Variants in NUAK2 observed in about 807,000 individuals in gnomAD.
NUAK2 encodes NUAK family SNF1-like kinase 2.
A neutral mutation model predicts 29.8 loss-of-function variants in NUAK2; 20 were observed. The observed-to-expected ratio is 0.67, with a 90% CI of 0.47 to 0.98. The LOEUF (loss-of-function observed/expected upper bound fraction) is 0.98, where lower values mean the gene tolerates loss of function less well. Among genes scored for constraint, NUAK2 ranks in the 50% least tolerant of loss-of-function variants. The pLI, the probability that NUAK2 is intolerant of heterozygous loss-of-function variation, is 0.00. For missense variants in NUAK2, 719 were observed against 834.5 expected (o/e 0.86, Z 1.71); for synonymous variants, 331 against 342.6 (o/e 0.97, Z 0.37).
chr1:205,310,007 C>T (rs11804762), intron 2 of NUAK2, among the ~76,000 whole-genome samples: 4,519 of 152,286 alleles, frequency 0.03, 104 homozygotes, highest in South Asian at 0.094. Context: ...TGTATTAGAA[C>T]ATGTATGTCC....
rs780506107 is a variant in NUAK2, at chr1:205,303,416, G to A, written c.*34C>T. 1 of 1,502,528 alleles carries A rather than the reference G, an allele frequency of 6.7e-7. No individual in the cohort carries two copies. Among genetic ancestry groups the A allele is most frequent in the African/African-American group, 1.4e-5 (1 of 71,180 alleles). The allele number at this position is 1,502,528 out of a possible 1,614,324, so 93.1% of individuals were successfully genotyped here. A position where few individuals can be genotyped will look rare whatever the true frequency, so the allele number is the denominator to read the frequency against. On this transcript the variant is annotated 3_prime_UTR_variant, in exon 7 of 7. Transcript: ENST00000367157. The stretch of plus-strand genomic sequence containing the variant: ...TCGGGGTGCAACCAGCTGCATCTGA[G>A]AGCCTGACCGGGCTGGGGCAATGCC...
At position 205,303,333 on chromosome 1, in the gene NUAK2, T is replaced by C; in HGVS notation, c.*117A>G. ...CTGCTCAGGGCTCCACTGCAAACCC[T>C]CTCAGCCTTCTGAGCTGGGATGCAG... On this transcript the variant is annotated 3_prime_UTR_variant, in exon 7 of 7. Transcript: ENST00000367157. 2 of 907,184 alleles carry C rather than the reference T, an allele frequency of 2.2e-6. No individual in the cohort carries two copies. Among genetic ancestry groups the C allele is most frequent in the South Asian group, 1.8e-5 (1 of 55,002 alleles). The allele number at this position is 907,184 out of a possible 1,614,324, so 56.2% of individuals were successfully genotyped here.
At position 205,308,004 on chromosome 1, in the gene NUAK2, T is replaced by C; in HGVS notation, c.570+161A>G. The C allele has an allele frequency of 1.8e-6, 1 of 569,356 alleles. No homozygotes were observed. The highest frequency in any genetic ancestry group is 4.8e-4 in the Middle Eastern group (1 of 2,094). The allele number at this position is 569,356 out of a possible 1,614,324, so 35.3% of individuals were successfully genotyped here. A position where few individuals can be genotyped will look rare whatever the true frequency, so the allele number is the denominator to read the frequency against. ...AGCTCTCCATCCACACAATGAGGTG[T>C]TGGAATGGATGATGGCTGAGGTCCC... On this transcript the variant is annotated intron_variant, in intron 4 of 6. Transcript: ENST00000367157. The surrounding 1 kb of genome is among the most constrained non-coding windows in gnomAD (Gnocchi z 4.1).
chr1:205,311,694 G>T lies in NUAK2; in HGVS notation c.352+11C>A. The T allele has an allele frequency of 3.7e-6, 6 of 1,613,830 alleles. No individual in the cohort carries two copies. Among genetic ancestry groups the T allele is most frequent in the Non-Finnish European group, 4.2e-6 (5 of 1,179,806 alleles). Reference sequence around the variant, plus strand: ...AGACCCCCAAGTTCCAGCTTTAAGTGCCCACTGTACCTTCATGGATGGCAA... The same window carrying T: ...AGACCCCCAAGTTCCAGCTTTAAGTTCCCACTGTACCTTCATGGATGGCAA... On this transcript the variant is annotated intron_variant, in intron 2 of 6. Transcript: ENST00000367157.
intron 1 of NUAK2, among the ~76,000 whole-genome samples, chr1:205,312,455 AG>A (rs1210202172): frequency 6.6e-6 from 1 of 152,202 alleles, no homozygotes; most frequent in Non-Finnish European, 1.5e-5. Context: ...ACTTGCTATA[AG>A]CAATCAGTCC....
Position 205,304,452 on chromosome 1 carries a change from C to T in NUAK2, c.885G>A (p.Glu295=). The change falls in exon 7 of 7, where the codon GAG becomes GAA. Residue 295 remains glutamate, a synonymous_variant. Transcript: ENST00000367157. The surrounding 1 kb of genome is among the most constrained non-coding windows in gnomAD (Gnocchi z 6.5). ...TGACCCACCAGTGACTGGCCACATC[C>T]TCCAGGGTGGCCCGGCGGGTGGGGT... ...MVNPTRRATL[E]DVASHWWVNW... 6.5e-7 allele frequency: 1 copy of T among 1,549,826 alleles called. No homozygotes were observed. The highest frequency in any genetic ancestry group is 1.2e-5 in the South Asian group (1 of 81,594).
chr1:205,311,428 G>A (rs1386788627), intron 2 of NUAK2, among the ~76,000 whole-genome samples: 1 of 152,182 alleles, frequency 6.6e-6, no homozygotes, highest in Non-Finnish European at 1.5e-5. Flanking sequence ...CATGAGTGGA[G>A]CATTCAATGA....
intron 1 of NUAK2, among the ~76,000 whole-genome samples, chr1:205,317,889 G>A (rs944825033): frequency 6.6e-6 from 1 of 152,220 alleles, no homozygotes; most frequent in Non-Finnish European, 1.5e-5. Context: ...TCTCAGGGTA[G>A]GACAGACCTC....
Position 205,306,221 on chromosome 1 carries a change from C to T in NUAK2, c.657G>A (p.Glu219=). Residue 219 remains glutamate (E), a synonymous_variant, in exon 5 of 7, where the codon GAG becomes GAA. Coordinates refer to ENST00000367157, the MANE Select transcript of NUAK2 (RefSeq NM_030952.3). ...CTGTGTAGGGCTTCCCATTGACAAT[C>T]TCTGGCGAGGCATAGAGGGGGCTCC... The part of the protein sequence containing the change: ...FCGSPLYASP[E]IVNGKPYTGP... 3 of 1,613,804 alleles carry T rather than the reference C, an allele frequency of 1.9e-6. No individual in the cohort carries two copies. The highest frequency in any genetic ancestry group is 2.5e-6 in the Non-Finnish European group (3 of 1,179,834).
At chr1:205,314,458 G>T (rs1485154371) in intron 1 of NUAK2, among the ~76,000 whole-genome samples, 1 of 152,208 alleles carries the variant, frequency 6.6e-6, no homozygotes, top group Non-Finnish European at 1.5e-5. Flanking sequence ...AAAAACCTGG[G>T]CTTGGAACTG....
intron 1 of NUAK2, among the ~76,000 whole-genome samples, chr1:205,319,341 T>C (rs1662373727): frequency 6.6e-6 from 1 of 152,224 alleles, no homozygotes; most frequent in Non-Finnish European, 1.5e-5. Context: ...CTGGAATCCC[T>C]GCCTAAATCC....
chr1:205,303,303 C>A lies in NUAK2; in HGVS notation c.*147G>T. The A allele has an allele frequency of 1.6e-6, 1 of 611,290 alleles. No individual in the cohort carries two copies. The highest frequency in any genetic ancestry group is 2.7e-6 in the Non-Finnish European group (1 of 367,166). 37.9% of individuals were successfully genotyped at this position (611,290 alleles called of 1,614,324 possible). A position where few individuals can be genotyped will look rare whatever the true frequency, so the allele number is the denominator to read the frequency against. On this transcript the variant is annotated 3_prime_UTR_variant, in exon 7 of 7. Transcript: ENST00000367157. ...ATTTCATTTGCCTACTTCCCATATC[C>A]AGCCCTGCTCAGGGCTCCACTGCAA...
At chr1:205,305,429 A>C (rs1293737178) in intron 5 of NUAK2, 98 bp from the exon 6 acceptor site, 3 of 1,482,446 alleles carry the variant, frequency 2.0e-6, no homozygotes, top group Admixed American at 2.3e-5. Context: ...AGGACGACCC[A>C]CCTCTCCTAC....
Position 205,304,219 on chromosome 1 carries a change from GA to G in NUAK2, c.1117del (p.Ser373ArgfsTer107). The G allele has an allele frequency of 6.2e-7, 1 of 1,614,176 alleles. No individual in the cohort carries two copies. Among genetic ancestry groups the G allele is most frequent in the Non-Finnish European group, 8.5e-7 (1 of 1,180,024 alleles). Reference protein sequence around the residue: ...STTPGLERQHSLKKSRKENDM... With the variant: ...STTPGLERQHXLKKSRKENDM... ...ATTCTCCTTGCGGGACTTCTTGAGC[GA>G]ATGCTGGCGCTCCAGGCCAGGGGTG... is the stretch of plus-strand genomic sequence containing the variant. On this transcript the variant is annotated frameshift_variant, in exon 7 of 7. Coordinates refer to ENST00000367157, the MANE Select transcript of NUAK2 (RefSeq NM_030952.3). LOFTEE classifies it low-confidence loss of function (END_TRUNC). This position sits in a 1 kb window ranked among gnomAD's most constrained non-coding sequence, Gnocchi z 6.5.
In NUAK2 at chr1:205,303,918, G is replaced by A. The variant is rs752355826; in HGVS notation, c.1419C>T (p.Asp473=). 1.1e-5 allele frequency: 18 copies of A among 1,613,930 alleles called. No individual in the cohort carries two copies. The highest frequency in any genetic ancestry group is 1.6e-4 in the Middle Eastern group (1 of 6,084). ...CCCCACTCACAAACACGTCGCCTGC[G>A]TCCAAGAGCTCCCCAGATTCACTGG... ...PEPSESGELL[D]AGDVFVSGDP... The change falls in exon 7 of 7, where the codon GAC becomes GAT. Residue 473 remains aspartate, a synonymous_variant. Transcript: ENST00000367157.
At position 205,306,004 on chromosome 1, in the gene NUAK2, G is replaced by A. The variant is rs1055740866; in HGVS notation, c.690+184C>T. On this transcript the variant is annotated intron_variant, in intron 5 of 6. Coordinates refer to ENST00000367157, the MANE Select transcript of NUAK2 (RefSeq NM_030952.3). ...GCTGGGATTATAGGTGTGAGCCACT[G>A]TGCCCGGCCTAGTTCTAGTTTTGCC... Among the ~76,000 whole-genome samples the A allele has an allele frequency of 1.3e-4, 20 of 152,244 alleles. 1 individual carries two copies. Among genetic ancestry groups the A allele is most frequent in the African/African-American group, 4.3e-4 (18 of 41,462 alleles).
In NUAK2 at chr1:205,308,806, C is replaced by T; in HGVS notation, c.353-74G>A. 1.3e-6 allele frequency: 2 copies of T among 1,553,260 alleles called. No homozygotes were observed. Among genetic ancestry groups the T allele is most frequent in the South Asian group, 1.1e-5 (1 of 88,660 alleles). On this transcript the variant is annotated intron_variant, in intron 2 of 6. Coordinates refer to ENST00000367157, the MANE Select transcript of NUAK2 (RefSeq NM_030952.3). This position sits in a 1 kb window ranked among gnomAD's most constrained non-coding sequence, Gnocchi z 4.1. The stretch of plus-strand genomic sequence containing the variant: ...TCTCCACTGGGGGTGACTCACTCCT[C>T]CCCGACCCCAGGCCCCAAACCAGAC...
rs976932090 is a variant in NUAK2, at chr1:205,313,853, C to T, written c.232-2028G>A. Among the ~76,000 whole-genome samples the T allele has an allele frequency of 2.6e-5, 4 of 152,178 alleles. No homozygotes were observed. In the East Asian group the frequency reaches 7.7e-4, roughly 29 times the overall value. The stretch of plus-strand genomic sequence containing the variant: ...TCCTGGCAAGTGCTGCCCAAGGACG[C>T]AAATGGTAAATACGAGACTTCCTCT... On this transcript the variant is annotated intron_variant, in intron 1 of 6. Coordinates refer to ENST00000367157, the MANE Select transcript of NUAK2 (RefSeq NM_030952.3).
rs1662088899 is a variant in NUAK2, at chr1:205,302,444, C to T, written c.*1006G>A. 1 of 152,668 alleles carries T rather than the reference C, an allele frequency of 6.6e-6. No individual in the cohort carries two copies. Among genetic ancestry groups the T allele is most frequent in the East Asian group, 1.9e-4 (1 of 5,200 alleles). The allele number at this position is 152,668 out of a possible 1,614,324, so 9.5% of individuals were successfully genotyped here. On this transcript the variant is annotated 3_prime_UTR_variant, in exon 7 of 7. Transcript: ENST00000367157. ...GTGGAGTCCAGAGGAGGCTGGGCCC[C>T]TTGAGATGAAGTCCACACAGCAGGC... is the stretch of plus-strand genomic sequence containing the variant.
Sources: gnomAD v4.1 joint callset for allele counts (sites outside exome capture counted in the v4.1 genomes callset) on GRCh38, gnomAD v4.1.1 for gene constraint, Gnocchi (gnomAD v3.1) non-coding constraint, MANE v1.5 for transcripts, NCBI Gene and HGNC (gene_info 2026-07-23, HGNC 2026-07-21) for gene names.